The following SLC35F3 variants were observed in gnomAD, a reference collection of about 807,000 sequenced individuals.
SLC35F3 encodes the protein solute carrier family 35 member F3.
Under a neutral mutation model 49.9 loss-of-function variants are expected in SLC35F3, and 25 were observed. The ratio of observed to expected loss-of-function variants is 0.50; its 90% CI spans 0.37 to 0.70. SLC35F3 has a LOEUF of 0.70. Ranked by LOEUF, SLC35F3 falls within the 30% of genes least tolerant of loss-of-function variation. SLC35F3 has a pLI of 0.00. For missense variants in SLC35F3, 525 were observed against 639.8 expected, an observed-to-expected ratio of 0.82 and a Z score of 1.94; for synonymous variants, 275 against 265.4, an observed-to-expected ratio of 1.04 and a Z score of -0.35.
At chr1:234,295,396 C>A (rs374588670) in intron 3 of SLC35F3, among the ~76,000 whole-genome samples, 1 of 152,208 alleles carries the variant, frequency 6.6e-6, no homozygotes, top group Non-Finnish European at 1.5e-5. Context: ...ATTCTGCCCA[C>A]GGATGTGTAC....
chr1:234,059,812 T>C (rs181548157), intron 2 of SLC35F3, among the ~76,000 whole-genome samples: 167 of 152,302 alleles, frequency 1.1e-3, no homozygotes, highest in African/African-American at 3.8e-3. Context: ...GCCTGATGTT[T>C]GAGGGCAGGG....
At chr1:233,936,983 A>G (rs1402898352) in intron 2 of SLC35F3, among the ~76,000 whole-genome samples, 2 of 152,194 alleles carry the variant, frequency 1.3e-5, no homozygotes, top group East Asian at 3.9e-4. Context: ...TGACCACTGC[A>G]TCTGGCCACC....
intron 3 of SLC35F3, among the ~76,000 whole-genome samples, chr1:234,239,003 A>C (rs1667515168): frequency 6.6e-6 from 1 of 152,210 alleles, no homozygotes; most frequent in Admixed American, 6.5e-5. Context: ...GTTTGTGTTT[A>C]AGGTGCGGGT....
intron 2 of SLC35F3, among the ~76,000 whole-genome samples, chr1:234,118,594 G>C (rs939443981): frequency 2.0e-5 from 3 of 152,100 alleles, no homozygotes; most frequent in African/African-American, 4.8e-5. Context: ...GCTTACAAAG[G>C]CTCCAGCATT....
At chr1:234,221,012 A>G (rs1353356006) in intron 2 of SLC35F3, among the ~76,000 whole-genome samples, 5 of 152,214 alleles carry the variant, frequency 3.3e-5, no homozygotes, top group Non-Finnish European at 7.3e-5. Flanking sequence ...TTTAGGACAT[A>G]AGGGAGGCAG....
chr1:234,131,911 G>A (rs10910354), intron 2 of SLC35F3, among the ~76,000 whole-genome samples: 58,576 of 151,964 alleles, frequency 0.39, 13,241 homozygotes, highest in Non-Finnish European at 0.52. Context: ...TAATAATAAG[G>A]TTCTCTTGTG....
At chr1:234,047,540 G>C (rs373463421) in intron 2 of SLC35F3, among the ~76,000 whole-genome samples, 2 of 152,238 alleles carry the variant, frequency 1.3e-5, no homozygotes, top group South Asian at 4.1e-4. Flanking sequence ...TTCTTCCTGC[G>C]TCATGAACTT....
intron 2 of SLC35F3, among the ~76,000 whole-genome samples, chr1:234,169,629 G>A (rs1258422103): frequency 6.6e-6 from 1 of 152,204 alleles, no homozygotes; most frequent in Admixed American, 6.5e-5. Flanking sequence ...TACGGGAGGA[G>A]GTCAAGTACC....
chr1:234,190,096 A>T (rs1666708893), intron 2 of SLC35F3, among the ~76,000 whole-genome samples: 2 of 152,146 alleles, frequency 1.3e-5, no homozygotes, highest in African/African-American at 4.8e-5. Context: ...TCCTGGAAAC[A>T]CACCAAAACA....
intron 3 of SLC35F3, among the ~76,000 whole-genome samples, chr1:234,264,590 A>G (rs1021870923): frequency 4.6e-5 from 7 of 152,142 alleles, no homozygotes; most frequent in Non-Finnish European, 7.3e-5. Context: ...TCTGTTACCC[A>G]TGCTGGAGTG....
intron 2 of SLC35F3, among the ~76,000 whole-genome samples, chr1:234,006,699 G>A (rs1385512318): frequency 1.3e-5 from 2 of 152,200 alleles, no homozygotes; most frequent in Non-Finnish European, 2.9e-5. Flanking sequence ...TGTTGCAGAA[G>A]CCAGCATGGC....
intron 2 of SLC35F3, among the ~76,000 whole-genome samples, chr1:233,928,513 A>C (rs1662195488): frequency 6.6e-6 from 1 of 152,150 alleles, no homozygotes; most frequent in South Asian, 2.1e-4. Context: ...CTCTGGGGAA[A>C]CTAGTCAGCC....
intron 2 of SLC35F3, among the ~76,000 whole-genome samples, chr1:233,937,393 A>C (rs1219447641): frequency 1.3e-5 from 2 of 152,260 alleles, no homozygotes; most frequent in Non-Finnish European, 2.9e-5. Flanking sequence ...CTTTTGTTTT[A>C]AAGTCAAGAG....
In SLC35F3 at chr1:234,214,620, G is replaced by A; in HGVS notation, c.284-16797G>A. 2 of 1,507,332 alleles carry A rather than the reference G, an allele frequency of 1.3e-6. No individual in the cohort carries two copies. The highest frequency in any genetic ancestry group is 1.4e-5 in the African/African-American group (1 of 69,422). The allele number at this position is 1,507,332 out of a possible 1,614,324, so 93.4% of individuals were successfully genotyped here. ...CCCGGGGGTCCCTGCACCCTAGCCG[G>A]GGAATGCTGCCACCCTGAGGGGGGC... On this transcript the variant is annotated intron_variant, in intron 2 of 7. Transcript: ENST00000366618. This position sits in a 1 kb window ranked among gnomAD's most constrained non-coding sequence, Gnocchi z 8.0.
At chr1:234,011,759 G>T (rs576297571) in intron 2 of SLC35F3, among the ~76,000 whole-genome samples, 1 of 152,134 alleles carries the variant, frequency 6.6e-6, no homozygotes, top group Non-Finnish European at 1.5e-5. Context: ...AAATGACTTT[G>T]AATGCAACAT....
chr1:233,943,601 G>T (rs945435260), intron 2 of SLC35F3, among the ~76,000 whole-genome samples: 1 of 152,092 alleles, frequency 6.6e-6, no homozygotes, highest in Admixed American at 6.6e-5. Context: ...AAAATATTTC[G>T]GTCTAGAACA....
chr1:234,051,235 G>A (rs1372410430), intron 2 of SLC35F3, among the ~76,000 whole-genome samples: 4 of 152,146 alleles, frequency 2.6e-5, no homozygotes, highest in Non-Finnish European at 5.9e-5. Context: ...TGGGCAGTAT[G>A]ACCATTTTCA....
intron 2 of SLC35F3, among the ~76,000 whole-genome samples, chr1:233,974,571 A>G (rs906897177): frequency 1.3e-5 from 2 of 152,180 alleles, no homozygotes; most frequent in African/African-American, 4.8e-5. Context: ...GTTTTCTCAT[A>G]GTGGCCCAGT....
chr1:234,219,684 C>G (rs1477595543), intron 2 of SLC35F3, among the ~76,000 whole-genome samples: 1 of 152,210 alleles, frequency 6.6e-6, no homozygotes, highest in Non-Finnish European at 1.5e-5. Flanking sequence ...TGCTTGCCGT[C>G]ATTACCCCCT....
Sources: allele counts gnomAD v4.1 joint callset (sites outside exome capture counted in the v4.1 genomes callset), GRCh38; gene constraint gnomAD v4.1.1; non-coding constraint Gnocchi (gnomAD v3.1); transcripts MANE v1.5; gene names NCBI Gene and HGNC (gene_info 2026-07-23, HGNC 2026-07-21).